UBE2E2: variants seen among roughly 807,000 people sequenced by gnomAD.
The protein encoded by UBE2E2 is ubiquitin-conjugating enzyme E2 E2.
A neutral mutation model predicts 24.7 loss-of-function variants in UBE2E2; 6 were observed. The observed-to-expected ratio is 0.24, with a 90% CI of 0.13 to 0.48. The LOEUF (loss-of-function observed/expected upper bound fraction) is 0.48, where lower values mean the gene tolerates loss of function less well. Among genes scored for constraint, UBE2E2 ranks in the 20% least tolerant of loss-of-function variants. The pLI is 0.99. For synonymous variants in UBE2E2, 104 were observed against 83.6 expected, an observed-to-expected ratio of 1.24 and a Z score of -1.33; for missense variants, 169 against 245.0, an observed-to-expected ratio of 0.69 and a Z score of 2.07.
At chr3:23,275,875 C>A (rs569816061) in intron 3 of UBE2E2, among the ~76,000 whole-genome samples, 205 of 151,916 alleles carry the variant, frequency 1.3e-3, no homozygotes, top group African/African-American at 4.7e-3. Flanking sequence ...CCCAGCAGAT[C>A]CCGATTCATT....
intron 3 of UBE2E2, among the ~76,000 whole-genome samples, chr3:23,248,901 ATACTTGACCGACTGATTTAAGAGC>A (rs1413588498): frequency 3.9e-5 from 6 of 152,222 alleles, no homozygotes; most frequent in African/African-American, 1.4e-4. Context: ...TTATTGAAGA[ATACTTGACCGACTGATTTAAGAGC>A]TATTCAAAGG....
intron 3 of UBE2E2, among the ~76,000 whole-genome samples, chr3:23,366,839 T>G (rs1485222211): frequency 6.6e-6 from 1 of 152,142 alleles, no homozygotes; most frequent in Non-Finnish European, 1.5e-5. Context: ...ACACTAAAAC[T>G]TAGACATATA....
At chr3:23,469,029 T>C (rs1449945531) in intron 3 of UBE2E2, among the ~76,000 whole-genome samples, 1 of 152,204 alleles carries the variant, frequency 6.6e-6, no homozygotes, top group Non-Finnish European at 1.5e-5. Context: ...TGGGCAGGTA[T>C]AACAAAGTAC....
At chr3:23,322,803 G>A (rs1399324992) in intron 3 of UBE2E2, among the ~76,000 whole-genome samples, 1 of 151,790 alleles carries the variant, frequency 6.6e-6, no homozygotes, top group African/African-American at 2.4e-5. Context: ...TAAATACAGT[G>A]TATTTTCTCT....
chr3:23,270,913 C>G, intron 3 of UBE2E2: 1 of 456,528 alleles, frequency 2.2e-6, no homozygotes, highest in Non-Finnish European at 4.4e-6. Context: ...TTATGAAATC[C>G]TGCTGACAAC....
Position 23,568,238 on chromosome 3 carries a change from C to T in UBE2E2, c.509-21496C>T, listed in dbSNP as rs533150368. The stretch of plus-strand genomic sequence containing the variant: ...GTCTAGGGCATGACTGTTGTATTCA[C>T]ACCCACTATCACAATTCCCTTGTCC... On this transcript the variant is annotated intron_variant, in intron 5 of 5. Transcript: ENST00000396703. Among the ~76,000 whole-genome samples the T allele has an allele frequency of 4.3e-4, 65 of 152,318 alleles. 1 individual carries two copies. The highest frequency in any genetic ancestry group is 1.5e-3 in the African/African-American group (64 of 41,566).
intron 3 of UBE2E2, among the ~76,000 whole-genome samples, chr3:23,371,741 G>A (rs968703689): frequency 6.6e-6 from 1 of 152,158 alleles, no homozygotes; most frequent in African/African-American, 2.4e-5. Flanking sequence ...ATAGTTTTGG[G>A]AGGCAGGAAG....
intron 3 of UBE2E2, among the ~76,000 whole-genome samples, chr3:23,412,253 T>A (rs2125382421): frequency 6.6e-6 from 1 of 152,326 alleles, no homozygotes; most frequent in Non-Finnish European, 1.5e-5. Flanking sequence ...TTCACTGTCT[T>A]AAAACGTATT....
At chr3:23,282,840 T>C (rs955654577) in intron 3 of UBE2E2, among the ~76,000 whole-genome samples, 1 of 151,958 alleles carries the variant, frequency 6.6e-6, no homozygotes, top group African/African-American at 2.4e-5. Flanking sequence ...CCACAGTGAA[T>C]TAATTTGGTA....
intron 3 of UBE2E2, among the ~76,000 whole-genome samples, chr3:23,493,291 C>T (rs1373017863): frequency 2.6e-5 from 4 of 152,146 alleles, no homozygotes; most frequent in South Asian, 2.1e-4. Flanking sequence ...GTAAAGACAG[C>T]GAGAGCCTAT....
At chr3:23,295,346 G>T (rs1299469779) in intron 3 of UBE2E2, among the ~76,000 whole-genome samples, 1 of 151,934 alleles carries the variant, frequency 6.6e-6, no homozygotes. Context: ...ATGCCTCAAA[G>T]TATTTTCTAA....
chr3:23,563,649 C>T (rs1695991794), intron 5 of UBE2E2, among the ~76,000 whole-genome samples: 2 of 151,976 alleles, frequency 1.3e-5, no homozygotes, highest in African/African-American at 4.8e-5. Flanking sequence ...AGCTTTTAAC[C>T]TCTTTGTTTA....
intron 3 of UBE2E2, among the ~76,000 whole-genome samples, chr3:23,255,259 G>GTT (rs796075955): frequency 1.4e-4 from 19 of 135,766 alleles, no homozygotes; most frequent in Non-Finnish European, 2.3e-4. Flanking sequence ...AATTTTTGTA[G>GTT]TTTTTTTTTT....
In UBE2E2 at chr3:23,213,222, C is replaced by T. The variant is rs569814892; in HGVS notation, c.177-4040C>T. 4.7e-4 allele frequency among the ~76,000 whole-genome samples: 71 copies of T among 152,218 alleles called. No individual in the cohort carries two copies. The Middle Eastern group carries it at 0.01, about 22-fold the overall frequency. ...CAGTAAATTTTTGAATTTTCTTTAA[C>T]TCAAGAAATGTATGTGTGTGTTTTA... On this transcript the variant is annotated intron_variant, in intron 2 of 5. Coordinates refer to ENST00000396703, the MANE Select transcript of UBE2E2 (RefSeq NM_152653.4).
chr3:23,204,767 G>A (rs927276254), intron 1 of UBE2E2: 8 of 984,388 alleles, frequency 8.1e-6, no homozygotes, highest in Non-Finnish European at 9.7e-6. Context: ...GCTGGATATT[G>A]CTGTGTGCAT....
chr3:23,408,505 T>C (rs1697421827), intron 3 of UBE2E2, among the ~76,000 whole-genome samples: 2 of 152,308 alleles, frequency 1.3e-5, no homozygotes, highest in South Asian at 2.1e-4. Context: ...CTGGTAAGTG[T>C]GCCAACCCTA....
chr3:23,555,038 C>G (rs1695742002), intron 5 of UBE2E2, among the ~76,000 whole-genome samples: 1 of 151,938 alleles, frequency 6.6e-6, no homozygotes, highest in South Asian at 2.1e-4. Context: ...GCCTCAGCCT[C>G]CTGAGTAGCT....
chr3:23,461,416 G>T (rs1035691281), intron 3 of UBE2E2, among the ~76,000 whole-genome samples: 1 of 151,896 alleles, frequency 6.6e-6, no homozygotes, highest in East Asian at 1.9e-4. Context: ...GAGCTGTTCA[G>T]CAGTGTGGTA....
intron 3 of UBE2E2, chr3:23,271,008 C>T (rs553233841): frequency 6.6e-6 from 3 of 456,736 alleles, no homozygotes; most frequent in East Asian, 6.9e-5. Flanking sequence ...TTGGAAGGAG[C>T]AGACTTCATC....
Sources: gnomAD v4.1 joint callset for allele counts (sites outside exome capture counted in the v4.1 genomes callset) on GRCh38, gnomAD v4.1.1 for gene constraint, MANE v1.5 for transcripts, NCBI Gene and HGNC (gene_info 2026-07-23, HGNC 2026-07-21) for gene names.